Variants in HOOK3 observed in about 807,000 individuals in gnomAD.
HOOK3 encodes the protein protein Hook homolog 3.
In HOOK3, 24 loss-of-function variants were observed where a neutral mutation model predicts 116.3. That is an observed-to-expected ratio of 0.21 (90% CI 0.15 to 0.29). HOOK3 has a LOEUF of 0.29. Ranked by LOEUF, HOOK3 falls within the 10% of genes least tolerant of loss-of-function variation. The pLI is 1.00. For missense variants in HOOK3, 632 were observed against 830.2 expected (o/e 0.76, Z 2.93); for synonymous variants, 275 against 283.0 (o/e 0.97, Z 0.28).
chr8:42,951,652 A>C (rs1479938547), intron 6 of HOOK3, among the ~76,000 whole-genome samples: 1 of 152,096 alleles, frequency 6.6e-6, no homozygotes, highest in South Asian at 2.1e-4. Flanking sequence ...AGAAAAATAC[A>C]GAAGACAGGC....
chr8:42,963,205 A>C (rs1489097516), intron 8 of HOOK3, among the ~76,000 whole-genome samples: 1 of 152,118 alleles, frequency 6.6e-6, no homozygotes, highest in Non-Finnish European at 1.5e-5. Flanking sequence ...AGTATTCCAT[A>C]TATGAAATTC....
intron 13 of HOOK3, among the ~76,000 whole-genome samples, chr8:42,980,567 C>T (rs1563306515): frequency 6.6e-6 from 1 of 151,976 alleles, no homozygotes; most frequent in Non-Finnish European, 1.5e-5. Flanking sequence ...GAGTAATGGT[C>T]ATCATGGGAG....
At chr8:43,011,051 G>A (rs1809598127) in intron 19 of HOOK3, among the ~76,000 whole-genome samples, 1 of 151,538 alleles carries the variant, frequency 6.6e-6, no homozygotes, top group East Asian at 1.9e-4. Flanking sequence ...GGAGTACAGT[G>A]GCACGATCTT....
At chr8:42,931,744 T>A (rs1807877936) in intron 4 of HOOK3, among the ~76,000 whole-genome samples, 1 of 151,232 alleles carries the variant, frequency 6.6e-6, no homozygotes, top group Non-Finnish European at 1.5e-5. Context: ...CCCTTCCCTC[T>A]TCCCTCTTCC....
chr8:42,911,919 T>C (rs552100624), intron 2 of HOOK3, among the ~76,000 whole-genome samples: 1 of 152,306 alleles, frequency 6.6e-6, no homozygotes, highest in African/African-American at 2.4e-5. Context: ...AAATGTGAAG[T>C]TGACAGTCTA....
chr8:43,024,393 A>C lies in HOOK3; in HGVS notation c.*5895A>C, dbSNP rs182768887. ...TCAAATGGGATGTCAGAATCTTTGA[A>C]AATTATTTTATCATTTTTTCTATTT... On this transcript the variant is annotated 3_prime_UTR_variant, in exon 22 of 22. Coordinates refer to ENST00000307602, the MANE Select transcript of HOOK3 (RefSeq NM_032410.4). 1.5e-3 allele frequency: 287 copies of C among 187,726 alleles called. 1 individual carries two copies. Among genetic ancestry groups the C allele is most frequent in the Non-Finnish European group, 2.5e-3 (219 of 88,976 alleles). The allele number at this position is 187,726 out of a possible 1,614,324, so 11.6% of individuals were successfully genotyped here.
intron 6 of HOOK3, among the ~76,000 whole-genome samples, chr8:42,953,701 C>T (rs754039699): frequency 1.3e-5 from 2 of 151,620 alleles, no homozygotes; most frequent in Admixed American, 6.6e-5. Flanking sequence ...AATTTCTGTA[C>T]ACTTGCAAGT....
intron 2 of HOOK3, among the ~76,000 whole-genome samples, chr8:42,909,712 G>T (rs181274550): frequency 1.3e-5 from 2 of 152,276 alleles, no homozygotes; most frequent in Admixed American, 1.3e-4. Context: ...CAATCCTCCT[G>T]CCTTGGCCTG....
chr8:43,003,177 A>T (rs987798049), intron 17 of HOOK3, among the ~76,000 whole-genome samples: 1 of 152,184 alleles, frequency 6.6e-6, no homozygotes, highest in Admixed American at 6.5e-5. Context: ...GCTAAACCAG[A>T]CATCCTCAGT....
At chr8:42,900,528 G>C (rs552872890) in intron 1 of HOOK3, among the ~76,000 whole-genome samples, 21 of 152,190 alleles carry the variant, frequency 1.4e-4, no homozygotes, top group African/African-American at 4.6e-4. Flanking sequence ...ATATAGAATT[G>C]GGGGTGGTAT....
At chr8:42,897,763 G>A (rs527438359) in intron 1 of HOOK3, among the ~76,000 whole-genome samples, 1 of 152,272 alleles carries the variant, frequency 6.6e-6, no homozygotes, top group African/African-American at 2.4e-5. Flanking sequence ...GGACAGAGTC[G>A]TGGGATTCTG....
At chr8:42,994,750 T>G (rs961569584) in intron 15 of HOOK3, among the ~76,000 whole-genome samples, 1 of 152,256 alleles carries the variant, frequency 6.6e-6, no homozygotes, top group Non-Finnish European at 1.5e-5. Flanking sequence ...GCTTACATAC[T>G]GCATACTTTA....
intron 2 of HOOK3, among the ~76,000 whole-genome samples, chr8:42,917,260 G>C (rs542898857): frequency 3.3e-5 from 5 of 152,212 alleles, no homozygotes; most frequent in Non-Finnish European, 7.3e-5. Flanking sequence ...CACTGAGCGC[G>C]TTGAGGTGAT....
intron 2 of HOOK3, among the ~76,000 whole-genome samples, chr8:42,907,208 G>A (rs1807327217): frequency 6.6e-6 from 1 of 152,284 alleles, no homozygotes; most frequent in East Asian, 1.9e-4. Context: ...TAGCTGGGTT[G>A]CCCTGCATTT....
chr8:42,906,178 G>T lies in HOOK3; in HGVS notation c.63G>T (p.Gln21His), dbSNP rs748151712. Residue 21 changes from glutamine (Q) to histidine (H), a missense_variant, in exon 2 of 22, where the codon CAG (glutamine) becomes CAT (histidine). By Grantham distance (24) the Gln-to-His change is conservative (BLOSUM62 0). Transcript: ENST00000307602. The stretch of plus-strand genomic sequence containing the variant: ...CCCTCTTTTTTTCCCTTCAGATCCA[G>T]ACATTTAATGTGGATGCACCATGCC... ...ELCESLLTWI[Q>H]TFNVDAPCQT... The T allele has an allele frequency of 1.4e-6, 2 of 1,475,428 alleles. No homozygotes were observed. Among genetic ancestry groups the T allele is most frequent in the Admixed American group, 3.7e-5 (2 of 53,556 alleles). 91.4% of individuals were successfully genotyped at this position (1,475,428 alleles called of 1,614,324 possible).
At chr8:42,981,498 A>G (rs1808942733) in intron 13 of HOOK3, among the ~76,000 whole-genome samples, 1 of 152,230 alleles carries the variant, frequency 6.6e-6, no homozygotes, top group African/African-American at 2.4e-5. Flanking sequence ...GAATTAAAGC[A>G]TTGTTTCTAC....
chr8:42,939,212 C>G (rs982346507), intron 4 of HOOK3, among the ~76,000 whole-genome samples: 1 of 152,204 alleles, frequency 6.6e-6, no homozygotes, highest in East Asian at 1.9e-4. Context: ...CATCATGGCC[C>G]GTTCTCAATG....
intron 2 of HOOK3, among the ~76,000 whole-genome samples, chr8:42,919,160 G>C (rs945655865): frequency 7.9e-5 from 12 of 151,038 alleles, no homozygotes; most frequent in Admixed American, 7.2e-4. Context: ...GGCGGCTGCC[G>C]GGCAGAGGGG....
intron 4 of HOOK3, among the ~76,000 whole-genome samples, chr8:42,942,223 G>A (rs1808141396): frequency 6.6e-6 from 1 of 152,160 alleles, no homozygotes; most frequent in Non-Finnish European, 1.5e-5. Flanking sequence ...TTGCACTCCA[G>A]CCTGGGCAAC....
Sources: allele counts gnomAD v4.1 joint callset (sites outside exome capture counted in the v4.1 genomes callset), GRCh38; gene constraint gnomAD v4.1.1; transcripts MANE v1.5; gene names NCBI Gene and HGNC (gene_info 2026-07-23, HGNC 2026-07-21).